Variants in ARHGAP32 observed in about 807,000 individuals in gnomAD.
The protein encoded by ARHGAP32 is Rho GTPase activating protein 32.
A neutral mutation model predicts 186.5 loss-of-function variants in ARHGAP32; 51 were observed. The observed-to-expected ratio is 0.27, with a 90% CI of 0.22 to 0.35. The LOEUF is 0.35. Among genes scored for constraint, ARHGAP32 ranks in the 10% least tolerant of loss-of-function variants. The pLI is 1.00. For synonymous variants in ARHGAP32, 950 were observed against 964.3 expected, an observed-to-expected ratio of 0.99 and a Z score of 0.27; for missense variants, 2,186 against 2,623.5, an observed-to-expected ratio of 0.83 and a Z score of 3.64.
In ARHGAP32 at chr11:129,064,948, A is replaced by G; in HGVS notation, c.670-15T>C. The G allele has an allele frequency of 3.2e-6, 5 of 1,567,746 alleles. No homozygotes were observed. Among genetic ancestry groups the G allele is most frequent in the Non-Finnish European group, 4.3e-6 (5 of 1,154,566 alleles). ...TGAGTGACCGACTGAAAAGAAAAAG[A>G]TCAGTGTAACTCTGAGTAAAGATAC... is the stretch of plus-strand genomic sequence containing the variant. On this transcript the variant is annotated splice_polypyrimidine_tract_variant and intron_variant, in intron 7 of 22. Coordinates refer to ENST00000682385, the MANE Select transcript of ARHGAP32 (RefSeq NM_001378024.1).
intron 2 of ARHGAP32, among the ~76,000 whole-genome samples, chr11:129,145,364 A>C (rs944108473): frequency 6.6e-6 from 1 of 152,076 alleles, no homozygotes; most frequent in African/African-American, 2.4e-5. Context: ...AAAGAGTATG[A>C]ATAGAAGAAG....
intron 1 of ARHGAP32, among the ~76,000 whole-genome samples, chr11:129,232,023 CAAAAAAAAAAA>C (rs71057935): frequency 6.0e-4 from 39 of 64,552 alleles, no homozygotes; most frequent in South Asian, 1.5e-3. Context: ...GAGACGGACT[CAAAAAAAAAAA>C]AAAAAAAAAA....
At position 128,967,831 on chromosome 11, in the gene ARHGAP32, G is replaced by C. The variant is rs992341036; in HGVS notation, c.*1076C>G. 6.6e-6 allele frequency: 1 copy of C among 151,698 alleles called. No homozygotes were observed. The highest frequency in any genetic ancestry group is 2.4e-5 in the African/African-American group (1 of 41,238). The allele number at this position is 151,698 out of a possible 1,614,324, so 9.4% of individuals were successfully genotyped here. A position where few individuals can be genotyped will look rare whatever the true frequency, so the allele number is the denominator to read the frequency against. ...TAATGCGTAGCTACTTAAATTCCCA[G>C]GGACCTCGTACTCTGGTTTAGGAAC... On this transcript the variant is annotated 3_prime_UTR_variant, in exon 23 of 23. Transcript: ENST00000682385.
intron 10 of ARHGAP32, among the ~76,000 whole-genome samples, chr11:129,051,914 C>A (rs1284726335): frequency 2.0e-4 from 25 of 127,448 alleles, no homozygotes; most frequent in Admixed American, 3.9e-4. Flanking sequence ...GAGATTGGGC[C>A]ACTGCACTCC....
In ARHGAP32 at chr11:129,153,034, TA is replaced by T. The variant is rs1413168905; in HGVS notation, c.225+11284del. On this transcript the variant is annotated intron_variant, in intron 2 of 22. Coordinates refer to ENST00000682385, the MANE Select transcript of ARHGAP32 (RefSeq NM_001378024.1). ...TCCCAGATCTGATAAATAGATTCAG[TA>T]AAGTTTCAGAAAACAAAATTAATAT... is the stretch of plus-strand genomic sequence containing the variant. Among the ~76,000 whole-genome samples, 3 of 152,064 alleles carry T rather than the reference TA, an allele frequency of 2.0e-5. No homozygotes were observed. In the East Asian group the frequency reaches 5.8e-4, roughly 29 times the overall value.
chr11:129,116,914 T>C (rs1037020042), intron 5 of ARHGAP32, among the ~76,000 whole-genome samples: 35 of 152,034 alleles, frequency 2.3e-4, no homozygotes, highest in African/African-American at 7.5e-4. Context: ...TATTATGTCA[T>C]TTAATTCCCA....
chr11:129,225,898 T>G (rs530970174), intron 1 of ARHGAP32, among the ~76,000 whole-genome samples: 152 of 152,156 alleles, frequency 1.0e-3, no homozygotes, highest in Admixed American at 1.7e-3. Flanking sequence ...CTTCACCAAA[T>G]AGAGAATATT....
intron 1 of ARHGAP32, among the ~76,000 whole-genome samples, chr11:129,185,684 A>C (rs529605215): frequency 6.6e-6 from 1 of 150,980 alleles, no homozygotes; most frequent in Admixed American, 6.6e-5. Flanking sequence ...TGGGTGAATA[A>C]AAGAGTTTCA....
intron 1 of ARHGAP32, among the ~76,000 whole-genome samples, chr11:129,182,698 C>T (rs1321724983): frequency 2.0e-5 from 3 of 150,578 alleles, no homozygotes; most frequent in East Asian, 2.0e-4. Flanking sequence ...GGCTGGAGGG[C>T]GGTGGTGTAA....
In ARHGAP32 at chr11:129,015,690, C is replaced by G. The variant is rs1938306098; in HGVS notation, c.1046-17222G>C. On this transcript the variant is annotated intron_variant, in intron 11 of 22. Coordinates refer to ENST00000682385, the MANE Select transcript of ARHGAP32 (RefSeq NM_001378024.1). ...ATTCAGAAATGGAATCATCTGATAT[C>G]AAACTTTCTGCAAAACTGTGTATTC... Among the ~76,000 whole-genome samples the G allele has an allele frequency of 2.0e-5, 3 of 152,326 alleles. No homozygotes were observed. In the South Asian group the frequency reaches 6.2e-4, roughly 32 times the overall value.
chr11:128,994,687 C>T (rs1009335802), intron 12 of ARHGAP32, among the ~76,000 whole-genome samples: 3 of 152,182 alleles, frequency 2.0e-5, no homozygotes, highest in Non-Finnish European at 4.4e-5. Context: ...AGACAAACTA[C>T]TAAATCACTC....
intron 2 of ARHGAP32, among the ~76,000 whole-genome samples, chr11:129,137,310 T>C (rs1211043508): frequency 2.0e-5 from 3 of 151,976 alleles, no homozygotes; most frequent in African/African-American, 7.2e-5. Context: ...GGAAGATTTT[T>C]CTGAATGTCT....
intron 12 of ARHGAP32, among the ~76,000 whole-genome samples, chr11:128,995,128 C>T (rs1333178869): frequency 3.3e-5 from 5 of 152,112 alleles, no homozygotes; most frequent in African/African-American, 4.8e-5. Context: ...CTCATATCAC[C>T]TAAGTATCCA....
chr11:129,177,434 T>G (rs1405956309), intron 1 of ARHGAP32, among the ~76,000 whole-genome samples: 1 of 152,202 alleles, frequency 6.6e-6, no homozygotes, highest in Non-Finnish European at 1.5e-5. Flanking sequence ...CTAACTCATT[T>G]TACGAGGCCA....
At chr11:128,976,726 T>C (rs1677189015) in intron 19 of ARHGAP32, 92 bp from the exon 20 acceptor site, 6 of 1,037,556 alleles carry the variant, frequency 5.8e-6, no homozygotes, top group East Asian at 2.4e-5. Flanking sequence ...ATTTAAACTT[T>C]TGAGAGTGAT....
At chr11:129,270,962 T>G (rs1267685063) in intron 1 of ARHGAP32, among the ~76,000 whole-genome samples, 1 of 152,120 alleles carries the variant, frequency 6.6e-6, no homozygotes, top group African/African-American at 2.4e-5. Context: ...CTACCCCAAT[T>G]TGTGACAACC....
At chr11:129,097,281 T>C (rs372549546) in intron 5 of ARHGAP32, among the ~76,000 whole-genome samples, 2 of 152,056 alleles carry the variant, frequency 1.3e-5, no homozygotes, top group Non-Finnish European at 2.9e-5. Flanking sequence ...TTGAGCAACA[T>C]AGAACACCAT....
chr11:129,197,811 C>T (rs115137796), intron 1 of ARHGAP32, among the ~76,000 whole-genome samples: 3,461 of 152,084 alleles, frequency 0.023, 135 homozygotes, highest in African/African-American at 0.077. Context: ...TTTTTGTAGG[C>T]GTTTCCTCCA....
chr11:129,139,141 A>G (rs1002063088), intron 2 of ARHGAP32, among the ~76,000 whole-genome samples: 18 of 152,338 alleles, frequency 1.2e-4, no homozygotes, highest in Non-Finnish European at 2.6e-4. Context: ...ATGAATTAAT[A>G]AAACCCTTTT....
Sources: allele counts gnomAD v4.1 joint callset (sites outside exome capture counted in the v4.1 genomes callset), GRCh38; gene constraint gnomAD v4.1.1; transcripts MANE v1.5; gene names NCBI Gene and HGNC (gene_info 2026-07-23, HGNC 2026-07-21).